Variants in SNX5 observed in about 807,000 individuals in gnomAD.
SNX5 encodes sorting nexin 5.
In SNX5, 31 loss-of-function variants were observed where a neutral mutation model predicts 53.9. The ratio of observed to expected loss-of-function variants is 0.58; its 90% CI spans 0.43 to 0.78. The LOEUF is 0.78. SNX5 is among the 30% of genes least tolerant of loss of function. The pLI is 0.00. For missense variants in SNX5, 471 were observed against 478.8 expected (o/e 0.98, Z 0.15); for synonymous variants, 168 against 171.1 (o/e 0.98, Z 0.14).
At chr20:17,950,077 A>C in intron 8 of SNX5, 55 bp downstream of exon 8, 1 of 1,476,424 alleles carries the variant, frequency 6.8e-7, no homozygotes, top group Admixed American at 1.7e-5. Flanking sequence ...TTTTAATTAC[A>C]CCACTCGGCA....
rs952719088 is a variant in SNX5 at position 17,942,135 on chromosome 20, A to C, written c.*222T>G. 1 of 517,228 alleles carries C rather than the reference A, an allele frequency of 1.9e-6. No individual in the cohort carries two copies. Among genetic ancestry groups the C allele is most frequent in the Admixed American group, 3.3e-5 (1 of 30,766 alleles). The allele number at this position is 517,228 out of a possible 1,614,324, so 32.0% of individuals were successfully genotyped here. On this transcript the variant is annotated 3_prime_UTR_variant, in exon 13 of 13. Coordinates refer to ENST00000377759, the MANE Select transcript of SNX5 (RefSeq NM_014426.4). ...AACCCAGTATTTGGATTCTGCCCAG[A>C]GGTATTAAATGCACAAGGAAAAATT...
Position 17,949,080 on chromosome 20 carries a change from A to T in SNX5, c.815T>A (p.Leu272Gln). The T allele has an allele frequency of 6.2e-7, 1 of 1,613,368 alleles. No individual in the cohort carries two copies. The highest frequency in any genetic ancestry group is 8.5e-7 in the Non-Finnish European group (1 of 1,179,752). The change falls in exon 9 of 13, where the codon CTA becomes CAA. Residue 272 changes from leucine (L) to glutamine (Q), a missense_variant. Transcript: ENST00000377759. The part of the protein sequence containing the change: ...IKKYLLKVAE[L>Q]FEKLRKVEGR... ...AATCCTTACCCTTAGTTTTTCAAAT[A>T]GCTCAGCAACCTTCAATAGGTACCT...
At chr20:17,942,895 TAAAA>T (rs11334169) in intron 12 of SNX5, 83 of 340,570 alleles carry the variant, frequency 2.4e-4, no homozygotes, top group East Asian at 3.7e-4. Flanking sequence ...CCATCTCTAT[TAAAA>T]AAAAAAAAAA....
chr20:17,942,895 TAA>T (rs11334169), intron 12 of SNX5: 17,555 of 336,542 alleles, frequency 0.052, 2 homozygotes, highest in South Asian at 0.095. Context: ...CCATCTCTAT[TAA>T]AAAAAAAAAA....
At chr20:17,961,086 G>A in intron 1 of SNX5, 1 of 959,586 alleles carries the variant, frequency 1.0e-6, no homozygotes, top group Non-Finnish European at 1.2e-6. Context: ...AGAGAGCCAA[G>A]GCACTTCCCT....
Position 17,952,713 on chromosome 20 carries a change from G to A in SNX5, c.390-3C>T, listed in dbSNP as rs2039587956. ...TCTTAAACACAGCGAGATACTCACT[G>A]AAAAGAGATGTGCACATGGCATTCA... On this transcript the variant is annotated splice_region_variant and splice_polypyrimidine_tract_variant and intron_variant, in intron 4 of 12. Coordinates refer to ENST00000377759, the MANE Select transcript of SNX5 (RefSeq NM_014426.4). 1 of 1,610,848 alleles carries A rather than the reference G, an allele frequency of 6.2e-7. No individual in the cohort carries two copies. Among genetic ancestry groups the A allele is most frequent in the African/African-American group, 1.3e-5 (1 of 74,412 alleles).
chr20:17,961,060 C>T (rs1417243689), intron 1 of SNX5: 5 of 821,514 alleles, frequency 6.1e-6, no homozygotes, highest in Non-Finnish European at 7.3e-6. Flanking sequence ...TTTAAAAAAT[C>T]GCAGTGCTTT....
At chr20:17,966,170 G>C (rs1164072031) in intron 1 of SNX5, among the ~76,000 whole-genome samples, 1 of 152,042 alleles carries the variant, frequency 6.6e-6, no homozygotes, top group South Asian at 2.1e-4. Context: ...ACTAGGCTGC[G>C]AAGGTCGAGT....
At chr20:17,951,236 A>G (rs1040557007) in intron 6 of SNX5, 1 of 399,080 alleles carries the variant, frequency 2.5e-6, no homozygotes, top group Admixed American at 3.8e-5. Flanking sequence ...TTTAGAAATT[A>G]ACTGAGTAAT....
At chr20:17,957,414 G>A (rs1246457926) in intron 1 of SNX5, among the ~76,000 whole-genome samples, 13 of 141,350 alleles carry the variant, frequency 9.2e-5, no homozygotes, top group Admixed American at 8.1e-4. Context: ...TAGCCTGGGC[G>A]ACAGAGCGAA....
intron 12 of SNX5, 197 bp downstream of exon 12, chr20:17,942,913 G>T: frequency 2.0e-5 from 8 of 405,174 alleles, no homozygotes; most frequent in East Asian, 7.7e-5. Context: ...AAAAAAAAAA[G>T]TTGCTAAAAA....
intron 11 of SNX5, among the ~76,000 whole-genome samples, chr20:17,946,503 G>C (rs1054502631): frequency 6.6e-6 from 1 of 152,060 alleles, no homozygotes; most frequent in African/African-American, 2.4e-5. Flanking sequence ...AAAATAACTT[G>C]GTAATACAAT....
At chr20:17,951,896 AC>A (rs1454461019) in intron 5 of SNX5, among the ~76,000 whole-genome samples, 1 of 152,194 alleles carries the variant, frequency 6.6e-6, no homozygotes, top group East Asian at 1.9e-4. Flanking sequence ...AGTAGCAAAA[AC>A]CAAAACATGT....
intron 3 of SNX5, among the ~76,000 whole-genome samples, chr20:17,954,459 A>G (rs1032332804): frequency 1.3e-5 from 2 of 150,822 alleles, no homozygotes; most frequent in Non-Finnish European, 2.9e-5. Flanking sequence ...TCAAGATTAT[A>G]AAGTGTTCAG....
At chr20:17,947,733 A>G (rs1416001323) in intron 10 of SNX5, 88 bp from the exon 11 acceptor site, 1 of 1,136,652 alleles carries the variant, frequency 8.8e-7, no homozygotes, top group African/African-American at 1.6e-5. Flanking sequence ...CTGAGATGTT[A>G]GTGGCAATAA....
chr20:17,963,133 C>A (rs964094326), intron 1 of SNX5, among the ~76,000 whole-genome samples: 1 of 152,190 alleles, frequency 6.6e-6, no homozygotes, highest in African/African-American at 2.4e-5. Context: ...CAGATAAATC[C>A]TACTGGGAAT....
At chr20:17,968,319 G>C (rs2035601169) in intron 1 of SNX5, 56 bp downstream of exon 1, 1 of 1,227,920 alleles carries the variant, frequency 8.1e-7, no homozygotes, top group African/African-American at 1.6e-5. Context: ...AGAATGCAGC[G>C]ACCCCGGAGC....
At chr20:17,966,040 AC>A (rs1225279312) in intron 1 of SNX5, among the ~76,000 whole-genome samples, 2 of 152,128 alleles carry the variant, frequency 1.3e-5, no homozygotes, top group African/African-American at 4.8e-5. Flanking sequence ...TACTTAGTCT[AC>A]AAACACTCCT....
At position 17,950,384 on chromosome 20, in the gene SNX5, A is replaced by G; in HGVS notation, c.622T>C (p.Phe208Leu). 1 of 1,601,576 alleles carries G rather than the reference A, an allele frequency of 6.2e-7. No individual in the cohort carries two copies. Among genetic ancestry groups the G allele is most frequent in the Non-Finnish European group, 8.6e-7 (1 of 1,168,882 alleles). ...AGGAAGTTCTTCTCTTGCTCAAAGA[A>G]GTCATCTACCTCCTAGAAGGAAGAA... ...LFTGVKEVDD[F>L]FEQEKNFLIN... The change falls in exon 7 of 13, where the codon TTC becomes CTC. Residue 208 changes from phenylalanine to leucine, a missense_variant. Physicochemically the swap from Phe to Leu is conservative, Grantham distance 22. Transcript: ENST00000377759.
Sources: allele counts gnomAD v4.1 joint callset (sites outside exome capture counted in the v4.1 genomes callset), GRCh38; gene constraint gnomAD v4.1.1; transcripts MANE v1.5; gene names NCBI Gene and HGNC (gene_info 2026-07-23, HGNC 2026-07-21).